NBDY: variants seen among roughly 807,000 people sequenced by gnomAD.
The protein encoded by NBDY is negative regulator of P-body association, also known as P-body dissociating protein.
chrX:56,764,372 C>A (rs1368636850), intron 2 of NBDY, among the ~76,000 whole-genome samples: 1 of 111,891 alleles, frequency 8.9e-6, no homozygotes, highest in African/African-American at 3.2e-5. Flanking sequence ...CGGGCCAGCT[C>A]CGCCCTCTGG....
intron 2 of NBDY, among the ~76,000 whole-genome samples, chrX:56,782,339 C>T (rs1214800186): frequency 9.0e-6 from 1 of 110,844 alleles, no homozygotes; most frequent in African/African-American, 3.3e-5. Context: ...TTCTCCTCTT[C>T]TTTTGCCTCT....
intron 2 of NBDY, among the ~76,000 whole-genome samples, chrX:56,789,859 A>G (rs2069751419): frequency 9.0e-6 from 1 of 111,476 alleles, no homozygotes; most frequent in Non-Finnish European, 1.9e-5. Context: ...TCCCATGTGC[A>G]TGGGTAGCCA....
intron 2 of NBDY, among the ~76,000 whole-genome samples, chrX:56,762,484 G>A (rs1185335173): frequency 9.0e-6 from 1 of 111,191 alleles, no homozygotes; most frequent in Non-Finnish European, 1.9e-5. Flanking sequence ...TGTTCTGAAA[G>A]GAGCAGAGAT....
chrX:56,741,743 TTTC>T (rs1162929641), intron 2 of NBDY, among the ~76,000 whole-genome samples: 1 of 111,853 alleles, frequency 8.9e-6, no homozygotes, highest in Non-Finnish European at 1.9e-5. Flanking sequence ...TGGTTATTAA[TTTC>T]TTGTCAAAAG....
rs1285519045 is a variant in NBDY, at chrX:56,819,084, C to T, written c.*1931C>T. 9.2e-6 allele frequency: 1 copy of T among 108,729 alleles called. No individual in the cohort carries two copies. The highest frequency in any genetic ancestry group is 9.9e-5 in the Admixed American group (1 of 10,152). The allele number at this position is 108,729 out of a possible 1,213,427, so 9.0% of individuals were successfully genotyped here. A position where few individuals can be genotyped will look rare whatever the true frequency, so the allele number is the denominator to read the frequency against. On this transcript the variant is annotated 3_prime_UTR_variant, in exon 3 of 3. Coordinates refer to ENST00000374922, the MANE Select transcript of NBDY (RefSeq NM_001348129.2). ...CAAAGACTCAAATATAAGGGTTACA[C>T]TATAAAACTCTTGGGAGGAAATATA...
chrX:56,746,903 T>C (rs968969033), intron 2 of NBDY, among the ~76,000 whole-genome samples: 1 of 112,154 alleles, frequency 8.9e-6, no homozygotes, highest in Non-Finnish European at 1.9e-5. Flanking sequence ...CTTTTAAAGA[T>C]ATATGCAATT....
intron 2 of NBDY, among the ~76,000 whole-genome samples, chrX:56,781,775 C>T (rs1486802050): frequency 8.9e-6 from 1 of 112,037 alleles, no homozygotes; most frequent in Non-Finnish European, 1.9e-5. Flanking sequence ...CCAGCTGAAC[C>T]CTGCGAGGAG....
At chrX:56,762,564 A>C (rs780343250) in intron 2 of NBDY, among the ~76,000 whole-genome samples, 26 of 111,341 alleles carry the variant, frequency 2.3e-4, no homozygotes, top group Non-Finnish European at 4.5e-4. Flanking sequence ...GTGAAATGTC[A>C]TTCTGAATGC....
At chrX:56,752,236 G>T (rs1325437026) in intron 2 of NBDY, among the ~76,000 whole-genome samples, 1 of 112,068 alleles carries the variant, frequency 8.9e-6, no homozygotes, top group Non-Finnish European at 1.9e-5. Flanking sequence ...GGGATTGCTG[G>T]ATCAATTGGT....
chrX:56,789,913 C>T (rs1362390824), intron 2 of NBDY, among the ~76,000 whole-genome samples: 1 of 111,344 alleles, frequency 9.0e-6, no homozygotes, highest in African/African-American at 3.3e-5. Flanking sequence ...TATCTTTGTT[C>T]CTGTTCTGCG....
At chrX:56,744,396 G>A (rs1055940368) in intron 2 of NBDY, among the ~76,000 whole-genome samples, 1 of 111,193 alleles carries the variant, frequency 9.0e-6, no homozygotes, top group Non-Finnish European at 1.9e-5. Flanking sequence ...TTTTCTGTTC[G>A]GAAGACCTGT....
chrX:56,757,579 C>A, intron 2 of NBDY, among the ~76,000 whole-genome samples: 1 of 111,703 alleles, frequency 9.0e-6, no homozygotes, highest in African/African-American at 3.3e-5. Flanking sequence ...AGGGCTCCCC[C>A]CACTTGACCA....
At chrX:56,808,132 T>C (rs766912463) in intron 2 of NBDY, among the ~76,000 whole-genome samples, 16 of 112,419 alleles carry the variant, frequency 1.4e-4, no homozygotes, top group Non-Finnish European at 2.6e-4. Context: ...GATTTGAATA[T>C]GTTGAACCAG....
intron 2 of NBDY, among the ~76,000 whole-genome samples, chrX:56,750,182 T>C (rs757891430): frequency 1.1e-4 from 12 of 111,559 alleles, no homozygotes; most frequent in Non-Finnish European, 2.1e-4. Flanking sequence ...GAATGGCTAA[T>C]GCATTATGCT....
intron 2 of NBDY, among the ~76,000 whole-genome samples, chrX:56,804,396 G>A (rs1205668704): frequency 8.9e-6 from 1 of 112,211 alleles, no homozygotes; most frequent in Admixed American, 9.4e-5. Flanking sequence ...ATGCCCAAGA[G>A]TAGGAGGGGT....
intron 2 of NBDY, among the ~76,000 whole-genome samples, chrX:56,761,754 C>T (rs1201866933): frequency 8.9e-6 from 1 of 112,831 alleles, no homozygotes; most frequent in African/African-American, 3.2e-5. Context: ...CCTTCTTTTC[C>T]TCAGGAAATT....
At chrX:56,784,299 T>C (rs1198519793) in intron 2 of NBDY, among the ~76,000 whole-genome samples, 1 of 111,754 alleles carries the variant, frequency 8.9e-6, no homozygotes, top group Non-Finnish European at 1.9e-5. Flanking sequence ...TGTTGACCCA[T>C]GGAGCAGCAA....
At chrX:56,766,928 A>C (rs555124456) in intron 2 of NBDY, among the ~76,000 whole-genome samples, 2 of 112,628 alleles carry the variant, frequency 1.8e-5, no homozygotes, top group African/African-American at 6.4e-5. Flanking sequence ...GAGTTGCTGA[A>C]TGTCCCCGCT....
At chrX:56,811,875 A>G (rs1347051016) in intron 2 of NBDY, among the ~76,000 whole-genome samples, 1 of 111,956 alleles carries the variant, frequency 8.9e-6, no homozygotes, top group East Asian at 2.8e-4. Context: ...CTAGAAACCC[A>G]GGGCCCTGGT....
Sources: gnomAD v4.1 joint callset for allele counts (sites outside exome capture counted in the v4.1 genomes callset) on GRCh38, gnomAD v4.1.1 for gene constraint, MANE v1.5 for transcripts, NCBI Gene and HGNC (gene_info 2026-07-23, HGNC 2026-07-21) for gene names.